Variants in KIF27 observed in about 807,000 individuals in gnomAD.
KIF27 encodes kinesin-like protein KIF27.
KIF27 carries 84 observed loss-of-function variants against 141.8 expected under a neutral mutation model. The ratio of observed to expected loss-of-function variants is 0.59; its 90% CI spans 0.50 to 0.71. The LOEUF (loss-of-function observed/expected upper bound fraction) is 0.71. Among genes scored for constraint, KIF27 ranks in the 30% least tolerant of loss-of-function variants. The pLI is 0.00. For synonymous variants in KIF27, 471 were observed against 569.5 expected (o/e 0.83, Z 2.46); for missense variants, 1,306 against 1,628.4 (o/e 0.80, Z 3.41).
At chr9:83,876,778 T>A (rs1208569619) in intron 11 of KIF27, among the ~76,000 whole-genome samples, 1 of 152,178 alleles carries the variant, frequency 6.6e-6, no homozygotes, top group Non-Finnish European at 1.5e-5. Context: ...GTTGATTTTT[T>A]AAAAATAAAA....
intron 14 of KIF27, among the ~76,000 whole-genome samples, chr9:83,855,871 T>C (rs933344346): frequency 6.6e-6 from 1 of 152,236 alleles, no homozygotes; most frequent in African/African-American, 2.4e-5. Context: ...TCAGTTTCTA[T>C]GGTTTTGGAT....
At chr9:83,839,037 G>T (rs902736494) in intron 17 of KIF27, among the ~76,000 whole-genome samples, 2 of 152,226 alleles carry the variant, frequency 1.3e-5, no homozygotes, top group African/African-American at 4.8e-5. Context: ...GTTTATGCCT[G>T]TAGCCCCAGC....
intron 12 of KIF27, among the ~76,000 whole-genome samples, chr9:83,870,047 G>A (rs1283126333): frequency 1.3e-5 from 2 of 152,064 alleles, no homozygotes; most frequent in Non-Finnish European, 2.9e-5. Context: ...AAATAATAAA[G>A]TTTCAAAACA....
rs144211201 is a variant in KIF27, at chr9:83,868,112, C to T, written c.2758-252G>A. On this transcript the variant is annotated intron_variant, in intron 12 of 17. Transcript: ENST00000297814. ...AACAGTCTAGGATTTTTTAGCCTGA[C>T]GAAGAAAGGGCTGATAATTTTCTAT... 2,413 of 350,298 alleles carry T rather than the reference C, an allele frequency of 6.9e-3. 12 individuals carry two copies. The highest frequency in any genetic ancestry group is 0.011 in the East Asian group (211 of 18,980). The allele number at this position is 350,298 out of a possible 1,614,324, so 21.7% of individuals were successfully genotyped here.
At chr9:83,848,178 C>CAGATATGATATATATGATATATCAG (rs1554765124) in intron 16 of KIF27, among the ~76,000 whole-genome samples, 1 of 35,398 alleles carries the variant, frequency 2.8e-5, no homozygotes, top group African/African-American at 2.3e-4. Context: ...TCTGATATAT[C>CAGATATGATATATATGATATATCAG]ATATATGATA....
chr9:83,916,864 C>T (rs1955744847), intron 1 of KIF27, among the ~76,000 whole-genome samples: 1 of 151,978 alleles, frequency 6.6e-6, no homozygotes, highest in South Asian at 2.1e-4. Flanking sequence ...GGGGTTTCAC[C>T]GTGTTAGCCA....
chr9:83,869,957 G>A (rs147752658), intron 12 of KIF27, among the ~76,000 whole-genome samples: 3,755 of 152,214 alleles, frequency 0.025, 158 homozygotes, highest in African/African-American at 0.087. Flanking sequence ...ATTATTAGAA[G>A]CCCAAATCTT....
intron 5 of KIF27, among the ~76,000 whole-genome samples, chr9:83,896,682 T>G (rs1953293023): frequency 2.0e-5 from 3 of 152,356 alleles, no homozygotes; most frequent in Admixed American, 2.0e-4. Flanking sequence ...TAATTAATGT[T>G]AACCAACTTG....
At chr9:83,837,510 A>G in intron 17 of KIF27, 25 bp from the exon 18 acceptor site, 1 of 1,556,824 alleles carries the variant, frequency 6.4e-7, no homozygotes, top group Non-Finnish European at 8.6e-7. Flanking sequence ...CAAACCAAAA[A>G]ATTAGATACT....
At chr9:83,912,857 A>G (rs1270009990) in intron 2 of KIF27, among the ~76,000 whole-genome samples, 2 of 152,144 alleles carry the variant, frequency 1.3e-5, no homozygotes, top group Non-Finnish European at 2.9e-5. Context: ...CTAAATAAGC[A>G]TCATATTTAA....
chr9:83,856,326 C>A (rs1417613212), intron 14 of KIF27, among the ~76,000 whole-genome samples: 1 of 152,070 alleles, frequency 6.6e-6, no homozygotes, highest in Non-Finnish European at 1.5e-5. Flanking sequence ...ATGTTCTCGG[C>A]AGGGTGTGGT....
intron 6 of KIF27, among the ~76,000 whole-genome samples, chr9:83,890,064 A>G (rs565631660): frequency 1.9e-4 from 29 of 152,354 alleles, no homozygotes; most frequent in Admixed American, 3.9e-4. Flanking sequence ...CTTAGAGGAG[A>G]CAGTCCATTT....
At chr9:83,853,510 G>A (rs1948841108) in intron 15 of KIF27, 119 bp downstream of exon 15, 2 of 669,972 alleles carry the variant, frequency 3.0e-6, no homozygotes, top group Non-Finnish European at 5.0e-6. Flanking sequence ...GCTTAAATTT[G>A]TAGTTACATC....
chr9:83,884,999 T>C (rs1951973414), intron 9 of KIF27, among the ~76,000 whole-genome samples: 1 of 152,352 alleles, frequency 6.6e-6, no homozygotes, highest in East Asian at 1.9e-4. Context: ...TTGCTCTGAA[T>C]AGGCAACCGT....
In KIF27 at chr9:83,903,326, C is replaced by T; in HGVS notation, c.1192G>A (p.Glu398Lys). The change falls in exon 4 of 18, where the codon GAG (glutamate) becomes AAG (lysine). Residue 398 changes from glutamate (E) to lysine (K), a missense_variant. Glu to Lys is a moderately conservative substitution (Grantham distance 56). Around this residue, in one of 4 missense-constraint regions of KIF27, gnomAD observed 533 missense variants for 565.6 expected, o/e 0.94. Coordinates refer to ENST00000297814, the MANE Select transcript of KIF27 (RefSeq NM_017576.4). ...CCTTGAAGCTGAGCTACTTGCTCCT[C>T]AAGAGAATGAATCCTATTTGTATCA... ...SPDTNRIHSL[E>K]EQVAQLQGEC... 6.2e-7 allele frequency: 1 copy of T among 1,614,210 alleles called. No individual in the cohort carries two copies. The highest frequency in any genetic ancestry group is 8.5e-7 in the Non-Finnish European group (1 of 1,180,038).
chr9:83,840,800 G>A (rs904189654), intron 17 of KIF27, among the ~76,000 whole-genome samples: 4 of 152,140 alleles, frequency 2.6e-5, no homozygotes, highest in Admixed American at 6.6e-5. Flanking sequence ...GAATCAGAAA[G>A]TGTAATCTCT....
rs1347014094 is a variant in KIF27 at position 83,888,500 on chromosome 9, A to G, written c.2072T>C (p.Leu691Ser). 5 of 1,562,488 alleles carry G rather than the reference A, an allele frequency of 3.2e-6. No individual in the cohort carries two copies. Among genetic ancestry groups the G allele is most frequent in the East Asian group, 2.3e-5 (1 of 43,480 alleles). Reference sequence around the variant, plus strand: ...GAAGATCTATGTACCTTCATTCTCCAAATCTGACTTTTGTGTTTCATCCTG... The same window carrying G: ...GAAGATCTATGTACCTTCATTCTCCGAATCTGACTTTTGTGTTTCATCCTG... ...DTQDETQKSD[L>S]ENEDLKIDCL... Residue 691 changes from leucine to serine, a missense_variant, in exon 8 of 18, where the codon TTG becomes TCG. This residue lies in a region of KIF27 where 596 missense variants were observed against 751.6 expected (regional missense o/e 0.79). Coordinates refer to ENST00000297814, the MANE Select transcript of KIF27 (RefSeq NM_017576.4).
intron 5 of KIF27, 75 bp from the exon 6 acceptor site, chr9:83,891,576 T>C (rs1324753821): frequency 1.5e-6 from 2 of 1,319,982 alleles, no homozygotes; most frequent in Non-Finnish European, 2.1e-6. Context: ...AAATGAATTT[T>C]ACATTGACCA....
intron 3 of KIF27, among the ~76,000 whole-genome samples, chr9:83,904,591 G>C (rs548483957): frequency 5.3e-5 from 8 of 152,276 alleles, no homozygotes; most frequent in Admixed American, 2.6e-4. Flanking sequence ...GGCTGGTCTT[G>C]AACTCCTGAC....
Sources: gnomAD v4.1 joint callset for allele counts (sites outside exome capture counted in the v4.1 genomes callset) on GRCh38, gnomAD v4.1.1 for gene constraint, gnomAD v4.1.1 regional missense constraint, MANE v1.5 for transcripts, NCBI Gene and HGNC (gene_info 2026-07-23, HGNC 2026-07-21) for gene names.